The following PGF variants were observed in gnomAD, a reference collection of about 807,000 sequenced individuals.
The protein encoded by PGF is placental growth factor.
Under a neutral mutation model 25.3 loss-of-function variants are expected in PGF, and 11 were observed. The ratio of observed to expected loss-of-function variants is 0.43; its 90% confidence interval spans 0.27 to 0.72. The LOEUF is 0.72. Ranked by LOEUF, PGF falls within the 30% of genes least tolerant of loss-of-function variation. PGF has a pLI of 0.18. For synonymous variants in PGF, 105 were observed against 97.9 expected (o/e 1.07, Z -0.43); for missense variants, 230 against 234.9 (o/e 0.98, Z 0.14).
chr14:74,948,624 C>T (rs772674664), intron 3 of PGF, 41 bp from the exon 4 acceptor site: 2 of 1,335,934 alleles, frequency 1.5e-6, no homozygotes, highest in South Asian at 2.4e-5. Flanking sequence ...GGGGAGTGGC[C>T]CACGAGTTTC....
chr14:74,949,567 AG>A lies in PGF; in HGVS notation c.119-15del, dbSNP rs1566858391. ...GGAAGGGTACCACTGCGAGGAAGCA[AG>A]GGGGCTGGGTCAGGCCAGCAGAGAC... is the stretch of plus-strand genomic sequence containing the variant. On this transcript the variant is annotated splice_polypyrimidine_tract_variant and intron_variant, in intron 2 of 6. Coordinates refer to ENST00000555567, the MANE Select transcript of PGF (RefSeq NM_002632.6). The A allele has an allele frequency of 1.3e-6, 2 of 1,543,492 alleles. No individual in the cohort carries two copies. Among genetic ancestry groups the A allele is most frequent in the East Asian group, 2.3e-5 (1 of 43,048 alleles).
intron 4 of PGF, chr14:74,946,882 G>A (rs1250161010): frequency 1.3e-6 from 1 of 760,518 alleles, no homozygotes; most frequent in Non-Finnish European, 2.4e-6. Context: ...GACGGGGTGG[G>A]AGGAAGGAGG....
Position 74,949,426 on chromosome 14 carries a change from G to A in PGF, c.246C>T (p.Arg82=). 6.2e-7 allele frequency: 1 copy of A among 1,611,448 alleles called. No individual in the cohort carries two copies. The highest frequency in any genetic ancestry group is 1.1e-5 in the South Asian group (1 of 90,814). ...TCTCATCGCCGCAGCAGCCGGTGCAGCGCAGCAGGGAGACACAGGATGGGC... is the reference window on the plus strand; with the variant it reads ...TCTCATCGCCGCAGCAGCCGGTGCAACGCAGCAGGGAGACACAGGATGGGC... ...MFSPSCVSLL[R]CTGCCGDENL... The change falls in exon 3 of 7, where the codon CGC becomes CGT. Residue 82 remains arginine, a synonymous_variant. Coordinates refer to ENST00000555567, the MANE Select transcript of PGF (RefSeq NM_002632.6).
At chr14:74,948,615 G>A in intron 3 of PGF, 32 bp from the exon 4 acceptor site, 1 of 1,456,056 alleles carries the variant, frequency 6.9e-7, no homozygotes, top group Non-Finnish European at 9.6e-7. Context: ...GCCTGGATTG[G>A]GGAGTGGCCC....
Position 74,953,994 on chromosome 14 carries a change from T to C in PGF, c.76-48A>G, listed in dbSNP as rs774220776. 32 of 1,597,216 alleles carry C rather than the reference T, an allele frequency of 2.0e-5. No individual in the cohort carries two copies. The highest frequency in any genetic ancestry group is 2.7e-5 in the African/African-American group (2 of 74,574). ...GTGAGCTGGGGGTACCTTGGAGCTC[T>C]GCACTCTTGGGCCAAGTGTGATGGC... is the stretch of plus-strand genomic sequence containing the variant. On this transcript the variant is annotated intron_variant, in intron 1 of 6. Coordinates refer to ENST00000555567, the MANE Select transcript of PGF (RefSeq NM_002632.6). The surrounding 1 kb of genome is among the most constrained non-coding windows in gnomAD (Gnocchi z 5.4).
rs1206624339 is a variant in PGF at position 74,942,484 on chromosome 14, AG to A, written c.*221del. ...TGCTTCTTTCAAAGCGGAAGCTCCC[AG>A]GGGTCTGTGGCTGGCTTCTCTCTTT... On this transcript the variant is annotated 3_prime_UTR_variant, in exon 7 of 7. Coordinates refer to ENST00000555567, the MANE Select transcript of PGF (RefSeq NM_002632.6). The A allele has an allele frequency of 1.7e-6, 1 of 571,456 alleles. No individual in the cohort carries two copies. The highest frequency in any genetic ancestry group is 3.1e-6 in the Non-Finnish European group (1 of 324,202). The allele number at this position is 571,456 out of a possible 1,614,324, so 35.4% of individuals were successfully genotyped here.
rs919557557 is a variant in PGF at position 74,942,429 on chromosome 14, C to T, written c.*277G>A. On this transcript the variant is annotated 3_prime_UTR_variant, in exon 7 of 7. Coordinates refer to ENST00000555567, the MANE Select transcript of PGF (RefSeq NM_002632.6). ...TGGAGACCTCCAGGGCCTCTGGGGCCTAGCTTGCCCCTCACGAGGCCACGT... is the reference window on the plus strand; with the variant it reads ...TGGAGACCTCCAGGGCCTCTGGGGCTTAGCTTGCCCCTCACGAGGCCACGT... 7 of 452,866 alleles carry T rather than the reference C, an allele frequency of 1.5e-5. No individual in the cohort carries two copies. The highest frequency in any genetic ancestry group is 1.3e-4 in the African/African-American group (6 of 47,874). 28.1% of individuals were successfully genotyped at this position (452,866 alleles called of 1,614,324 possible). A position where few individuals can be genotyped will look rare whatever the true frequency, so the allele number is the denominator to read the frequency against.
In PGF at chr14:74,942,556, C is replaced by T. The variant is rs1423279256; in HGVS notation, c.*150G>A. The T allele has an allele frequency of 1.3e-6, 1 of 762,254 alleles. No homozygotes were observed. Among genetic ancestry groups the T allele is most frequent in the African/African-American group, 1.8e-5 (1 of 56,418 alleles). The allele number at this position is 762,254 out of a possible 1,614,324, so 47.2% of individuals were successfully genotyped here. Reference sequence around the variant, plus strand: ...CTGAATTCCTGAGGGTCCTGTCCTTCCCTGCCCCTCGTCTTGAAGGGAGCG... The same window carrying T: ...CTGAATTCCTGAGGGTCCTGTCCTTTCCTGCCCCTCGTCTTGAAGGGAGCG... On this transcript the variant is annotated 3_prime_UTR_variant, in exon 7 of 7. Transcript: ENST00000555567.
At chr14:74,945,343 T>A (rs1467754525) in intron 6 of PGF, 1 of 152,242 alleles carries the variant, frequency 6.6e-6, no homozygotes, top group Non-Finnish European at 1.5e-5. Flanking sequence ...CTGGATGGAC[T>A]TCCCTGCCAG....
intron 4 of PGF, 113 bp downstream of exon 4, chr14:74,948,394 C>T: frequency 1.7e-6 from 1 of 588,470 alleles, no homozygotes. Context: ...GAAAAAAGTT[C>T]AGCCCGCAGC....
rs1888819130 is a variant in PGF at position 74,949,385 on chromosome 14, G to A, written c.287C>T (p.Pro96Leu). The A allele has an allele frequency of 1.3e-6, 2 of 1,588,796 alleles. No homozygotes were observed. Among genetic ancestry groups the A allele is most frequent in the South Asian group, 1.1e-5 (1 of 87,644 alleles). ...CCGDENLHCVPVETANVTMQL... is the reference protein window; with the variant it reads ...CCGDENLHCVLVETANVTMQL... ...CATGGTGACATTGGCCGTCTCCACC[G>A]GCACACAGTGCAGATTCTCATCGCC... Residue 96 changes from proline (P) to leucine (L), a missense_variant, in exon 3 of 7, where the codon CCG (proline) becomes CTG (leucine). Physicochemically the swap from Pro to Leu is moderately conservative, Grantham distance 98. Transcript: ENST00000555567.
At chr14:74,954,135 C>T (rs901265522) in intron 1 of PGF, 189 bp from the exon 2 acceptor site, 2 of 604,006 alleles carry the variant, frequency 3.3e-6, no homozygotes, top group African/African-American at 3.7e-5. Context: ...TTAGGTCCCA[C>T]CCCTCTCTGG....
Position 74,955,488 on chromosome 14 carries a change from A to T in PGF, c.-246T>A. ...CCGGCGGGGCGGGGCGCCGAGGGGC[A>T]GGCGGGTCCCGGGGATGGTCCGTCG... On this transcript the variant is annotated 5_prime_UTR_variant, in exon 1 of 7. Coordinates refer to ENST00000555567, the MANE Select transcript of PGF (RefSeq NM_002632.6). This position sits in a 1 kb window ranked among gnomAD's most constrained non-coding sequence, Gnocchi z 4.1. The T allele has an allele frequency of 2.6e-6, 1 of 382,738 alleles. No individual in the cohort carries two copies. Among genetic ancestry groups the T allele is most frequent in the Non-Finnish European group, 4.6e-6 (1 of 215,746 alleles). 23.7% of individuals were successfully genotyped at this position (382,738 alleles called of 1,614,324 possible).
rs2140402993 is a variant in PGF, at chr14:74,946,199, C to T, written c.485+14G>A. 5 of 1,612,758 alleles carry T rather than the reference C, an allele frequency of 3.1e-6. No individual in the cohort carries two copies. In the South Asian group the frequency reaches 4.4e-5, roughly 14 times the overall value. On this transcript the variant is annotated intron_variant, in intron 6 of 6. Transcript: ENST00000555567. ...CCCAGCCTCCTCGCCATCCCTGGGA[C>T]CCCGCACACTCACAGGTGGCAGTCT...
chr14:74,946,101 C>A, intron 6 of PGF, 112 bp downstream of exon 6: 2 of 900,100 alleles, frequency 2.2e-6, no homozygotes, highest in Non-Finnish European at 1.8e-6. Flanking sequence ...TGTTCTGCCC[C>A]CAAGACTGGC....
intron 4 of PGF, chr14:74,947,089 C>G: frequency 2.0e-6 from 1 of 499,268 alleles, no homozygotes; most frequent in East Asian, 3.0e-5. Context: ...GGACATGCTA[C>G]CCTCAGCTGG....
In PGF at chr14:74,953,393, C is replaced by A. The variant is rs1044395316; in HGVS notation, c.118+511G>T. Reference sequence around the variant, plus strand: ...AGACTCCCTCTTGATGCAACCAGGGCGGGGAGTGGAGGGGCCAGGGAGGGC... The same window carrying A: ...AGACTCCCTCTTGATGCAACCAGGGAGGGGAGTGGAGGGGCCAGGGAGGGC... On this transcript the variant is annotated intron_variant, in intron 2 of 6. Transcript: ENST00000555567. This position sits in a 1 kb window ranked among gnomAD's most constrained non-coding sequence, Gnocchi z 5.4. Among the ~76,000 whole-genome samples the A allele has an allele frequency of 3.3e-5, 5 of 152,134 alleles. No homozygotes were observed. The highest frequency in any genetic ancestry group is 5.9e-5 in the Non-Finnish European group (4 of 68,010).
chr14:74,954,068 C>G (rs1261810901), intron 1 of PGF, 122 bp from the exon 2 acceptor site: 1 of 884,918 alleles, frequency 1.1e-6, no homozygotes, highest in Admixed American at 2.0e-5. Flanking sequence ...TGCACATGCT[C>G]TGCCCTGTCT....
At chr14:74,946,813 G>T in intron 4 of PGF, 1 of 738,020 alleles carries the variant, frequency 1.4e-6, no homozygotes, top group Non-Finnish European at 2.5e-6. Context: ...GCCAGACAGC[G>T]GACTGGCTGC....
Sources: gnomAD v4.1 joint callset for allele counts (sites outside exome capture counted in the v4.1 genomes callset) on GRCh38, gnomAD v4.1.1 for gene constraint, Gnocchi (gnomAD v3.1) non-coding constraint, MANE v1.5 for transcripts, NCBI Gene and HGNC (gene_info 2026-07-23, HGNC 2026-07-21) for gene names.